Variants in ANO3 observed in about 807,000 individuals in gnomAD.
ANO3 encodes anoctamin 3.
ANO3 carries 99 observed loss-of-function variants against 144.8 expected under a neutral mutation model. The observed-to-expected ratio is 0.68, with a 90% confidence interval of 0.58 to 0.81. The LOEUF is 0.81. Ranked by LOEUF, ANO3 falls within the 30% of genes least tolerant of loss-of-function variation. The pLI is 0.00. For missense variants in ANO3, 905 were observed against 1,202.2 expected, an observed-to-expected ratio of 0.75 and a Z score of 3.66; for synonymous variants, 414 against 392.6, an observed-to-expected ratio of 1.05 and a Z score of -0.64.
At chr11:26,470,086 T>C (rs922349644) in intron 4 of ANO3, among the ~76,000 whole-genome samples, 1 of 151,906 alleles carries the variant, frequency 6.6e-6, no homozygotes, top group Non-Finnish European at 1.5e-5. Flanking sequence ...TAGGAATTTA[T>C]GCAGAGAATG....
intron 14 of ANO3, among the ~76,000 whole-genome samples, chr11:26,577,499 G>A (rs1010258942): frequency 6.6e-6 from 1 of 150,850 alleles, no homozygotes; most frequent in African/African-American, 2.4e-5. Flanking sequence ...GGAGGCAGAG[G>A]TTGCAGTGAA....
Position 26,639,285 on chromosome 11 carries a change from G to T in ANO3, c.2141+44G>T, listed in dbSNP as rs774982504. ...AACTTGCCTTATGTCTAGTTACAAAGAGGAAAGCTAGAGGTGGCGTGAGTA... is the reference window on the plus strand; with the variant it reads ...AACTTGCCTTATGTCTAGTTACAAATAGGAAAGCTAGAGGTGGCGTGAGTA... On this transcript the variant is annotated intron_variant, in intron 21 of 26. Coordinates refer to ENST00000256737, the MANE Select transcript of ANO3 (RefSeq NM_031418.4). 9 of 1,480,492 alleles carry T rather than the reference G, an allele frequency of 6.1e-6. No individual in the cohort carries two copies. The East Asian group carries it at 2.0e-4, about 33-fold the overall frequency. The allele number at this position is 1,480,492 out of a possible 1,614,324, so 91.7% of individuals were successfully genotyped here.
chr11:26,451,496 C>A (rs1858936601), intron 3 of ANO3, among the ~76,000 whole-genome samples: 1 of 152,192 alleles, frequency 6.6e-6, no homozygotes, highest in African/African-American at 2.4e-5. Context: ...GCACAGCAGT[C>A]TGAGATCAAA....
At chr11:26,567,062 T>C in intron 14 of ANO3, 1 of 1,510,376 alleles carries the variant, frequency 6.6e-7, no homozygotes, top group Non-Finnish European at 8.9e-7. Flanking sequence ...AACAATCCCT[T>C]GATGTGGCAA....
intron 1 of ANO3, among the ~76,000 whole-genome samples, chr11:26,354,608 T>C (rs1200280912): frequency 6.6e-6 from 1 of 152,210 alleles, no homozygotes; most frequent in East Asian, 1.9e-4. Flanking sequence ...GCTCTATTTT[T>C]TTTCTGGTAC....
At chr11:26,404,501 G>C (rs1857226677) in intron 1 of ANO3, among the ~76,000 whole-genome samples, 1 of 151,544 alleles carries the variant, frequency 6.6e-6, no homozygotes, top group Non-Finnish European at 1.5e-5. Context: ...AAATATTCTA[G>C]TGAGTAAGAG....
intron 1 of ANO3, among the ~76,000 whole-genome samples, chr11:26,291,906 G>A (rs1022326734): frequency 6.6e-6 from 1 of 152,098 alleles, no homozygotes; most frequent in African/African-American, 2.4e-5. Flanking sequence ...CTCTTCTTGA[G>A]GAGTATCTTT....
At chr11:26,322,577 T>C (rs1351409646) in intron 1 of ANO3, among the ~76,000 whole-genome samples, 1 of 152,146 alleles carries the variant, frequency 6.6e-6, no homozygotes, top group Non-Finnish European at 1.5e-5. Flanking sequence ...TATTATAGCA[T>C]ACTCCTCTAA....
chr11:26,449,519 ACG>A (rs61371353), intron 3 of ANO3, among the ~76,000 whole-genome samples: 80,699 of 121,950 alleles, frequency 0.66, 22,645 homozygotes, highest in East Asian at 0.84. Flanking sequence ...ACACACACAC[ACG>A]CACGCACATC....
chr11:26,230,583 G>A (rs1416755268), intron 1 of ANO3, among the ~76,000 whole-genome samples: 2 of 151,754 alleles, frequency 1.3e-5, no homozygotes, highest in Non-Finnish European at 2.9e-5. Context: ...GATCACCTGA[G>A]GTCAGGAGTT....
chr11:26,498,357 G>A (rs1861050497), intron 4 of ANO3, among the ~76,000 whole-genome samples: 1 of 151,492 alleles, frequency 6.6e-6, no homozygotes, highest in Non-Finnish European at 1.5e-5. Context: ...AGTCACGCAA[G>A]GCTATTATTA....
chr11:26,626,522 G>A (rs1161460738), intron 18 of ANO3, among the ~76,000 whole-genome samples: 2 of 152,178 alleles, frequency 1.3e-5, no homozygotes, highest in Non-Finnish European at 2.9e-5. Flanking sequence ...TGTTGCCTGG[G>A]AAGAGCAAGA....
intron 4 of ANO3, 90 bp from the exon 5 acceptor site, chr11:26,508,014 G>T: frequency 2.7e-6 from 3 of 1,105,316 alleles, no homozygotes; most frequent in Non-Finnish European, 3.9e-6. Context: ...TTTTGATATT[G>T]TATTGCCAGT....
chr11:26,418,462 T>C (rs900398446), intron 1 of ANO3, among the ~76,000 whole-genome samples: 6 of 152,102 alleles, frequency 3.9e-5, no homozygotes, highest in Admixed American at 2.0e-4. Flanking sequence ...CCTGGGTCCA[T>C]GTAACTCCAC....
intron 4 of ANO3, among the ~76,000 whole-genome samples, chr11:26,489,213 A>C (rs948357363): frequency 4.7e-4 from 44 of 93,884 alleles, no homozygotes. Flanking sequence ...GTCATGGCTG[A>C]AAGGGGCCAA....
rs190799249 is a variant in ANO3, at chr11:26,310,711, A to G, written c.-3+992A>G. Among the ~76,000 whole-genome samples, 202 of 152,336 alleles carry G rather than the reference A, an allele frequency of 1.3e-3. 1 individual carries two copies. The highest frequency in any genetic ancestry group is 2.3e-3 in the Non-Finnish European group (154 of 68,026). ...AGACACTATAACTGCCAGTCCCCACAGCAGTACTATTTTTCATGACATAAG... is the reference window on the plus strand; with the variant it reads ...AGACACTATAACTGCCAGTCCCCACGGCAGTACTATTTTTCATGACATAAG... On this transcript the variant is annotated intron_variant, in intron 1 of 26. Coordinates refer to the ANO3 transcript ENST00000525139.
chr11:26,466,124 CT>C (rs575328114), intron 4 of ANO3, among the ~76,000 whole-genome samples: 2 of 151,802 alleles, frequency 1.3e-5, no homozygotes, highest in Non-Finnish European at 2.9e-5. Context: ...TGGTATGGTA[CT>C]TTAGGACCAA....
chr11:26,302,300 T>C (rs1361093338), intron 1 of ANO3, among the ~76,000 whole-genome samples: 1 of 152,068 alleles, frequency 6.6e-6, no homozygotes, highest in Non-Finnish European at 1.5e-5. Flanking sequence ...ATTGAGAATA[T>C]TCTGGCCAAC....
At chr11:26,257,615 G>A (rs1024103387) in intron 1 of ANO3, among the ~76,000 whole-genome samples, 2 of 152,014 alleles carry the variant, frequency 1.3e-5, no homozygotes, top group African/African-American at 2.4e-5. Flanking sequence ...AAATTTTAAA[G>A]TACCATAAAA....
Sources: allele counts gnomAD v4.1 joint callset (sites outside exome capture counted in the v4.1 genomes callset), GRCh38; gene constraint gnomAD v4.1.1; transcripts MANE v1.5; gene names NCBI Gene and HGNC (gene_info 2026-07-23, HGNC 2026-07-21).